Variants in CCNY observed in about 807,000 individuals in gnomAD.
CCNY encodes cyclin Y.
A neutral mutation model predicts 42.8 loss-of-function variants in CCNY; 19 were observed. The ratio of observed to expected loss-of-function variants is 0.44; its 90% CI spans 0.31 to 0.65. The LOEUF is 0.65. Ranked by LOEUF, CCNY falls within the 30% of genes least tolerant of loss-of-function variation. The pLI is 0.07. For missense variants in CCNY, 370 were observed against 437.3 expected, an observed-to-expected ratio of 0.85 and a Z score of 1.37; for synonymous variants, 165 against 162.7, an observed-to-expected ratio of 1.01 and a Z score of -0.11.
chr10:35,285,504 A>C (rs138979265), intron 3 of CCNY, among the ~76,000 whole-genome samples: 69 of 152,282 alleles, frequency 4.5e-4, no homozygotes, highest in African/African-American at 1.5e-3. Flanking sequence ...AGCTCACTGC[A>C]GCCTTGACTT....
chr10:35,564,295 G>A (rs982814601), intron 8 of CCNY, among the ~76,000 whole-genome samples: 2 of 152,144 alleles, frequency 1.3e-5, no homozygotes, highest in Non-Finnish European at 2.9e-5. Flanking sequence ...TGAAGAGACC[G>A]GAATGGGCCT....
chr10:35,299,107 G>A (rs182199742), intron 3 of CCNY, among the ~76,000 whole-genome samples: 1 of 152,300 alleles, frequency 6.6e-6, no homozygotes, highest in Non-Finnish European at 1.5e-5. Flanking sequence ...TTCAGTTACT[G>A]ATTTCTAATT....
intron 1 of CCNY, among the ~76,000 whole-genome samples, chr10:35,476,342 G>C (rs1362307469): frequency 6.6e-6 from 1 of 151,874 alleles, no homozygotes; most frequent in Non-Finnish European, 1.5e-5. Flanking sequence ...TTTTTTTTCA[G>C]CACCACACCA....
chr10:35,510,735 T>C (rs191296695), intron 3 of CCNY, among the ~76,000 whole-genome samples: 3 of 152,294 alleles, frequency 2.0e-5, no homozygotes, highest in Admixed American at 6.5e-5. Context: ...GATGAAGACA[T>C]TGAAGCTTGG....
chr10:35,395,778 G>A (rs1353600698), intron 1 of CCNY, among the ~76,000 whole-genome samples: 1 of 152,180 alleles, frequency 6.6e-6, no homozygotes, highest in Non-Finnish European at 1.5e-5. Context: ...TAGGTCCTGT[G>A]CACTGTCTTT....
chr10:35,419,416 A>G (rs1838105680), intron 1 of CCNY, among the ~76,000 whole-genome samples: 1 of 152,138 alleles, frequency 6.6e-6, no homozygotes, highest in Non-Finnish European at 1.5e-5. Context: ...CGAGGTAGAA[A>G]GAGAAAGGTG....
At chr10:35,418,851 T>C (rs1239108645) in intron 1 of CCNY, among the ~76,000 whole-genome samples, 1 of 151,908 alleles carries the variant, frequency 6.6e-6, no homozygotes, top group Non-Finnish European at 1.5e-5. Flanking sequence ...TTTTTTTTAA[T>C]CTCTCTGTCA....
At chr10:35,551,723 A>G (rs1317855453) in intron 7 of CCNY, among the ~76,000 whole-genome samples, 6 of 152,222 alleles carry the variant, frequency 3.9e-5, no homozygotes, top group African/African-American at 1.2e-4. Flanking sequence ...TCTGTCTTCA[A>G]CCTAAACTCT....
chr10:35,470,114 G>A (rs1444731086), intron 1 of CCNY, among the ~76,000 whole-genome samples: 1 of 151,270 alleles, frequency 6.6e-6, no homozygotes, highest in Non-Finnish European at 1.5e-5. Flanking sequence ...GGGAGATGGA[G>A]AGAGAAAGAT....
At chr10:35,528,796 T>C (rs1342820837) in intron 5 of CCNY, among the ~76,000 whole-genome samples, 2 of 152,214 alleles carry the variant, frequency 1.3e-5, no homozygotes, top group East Asian at 3.8e-4. Context: ...AAGCTCTTTC[T>C]CTTTTATTTT....
intron 1 of CCNY, among the ~76,000 whole-genome samples, chr10:35,457,818 G>A (rs995687198): frequency 6.6e-5 from 10 of 152,106 alleles, no homozygotes; most frequent in Non-Finnish European, 1.3e-4. Context: ...CTGACCTCGT[G>A]ATCCACCCGC....
upstream of CCNY, among the ~76,000 whole-genome samples, chr10:35,334,472 G>A (rs776952602): frequency 2.6e-5 from 4 of 152,126 alleles, no homozygotes; most frequent in Non-Finnish European, 5.9e-5. Context: ...CAGACAATCT[G>A]AATACACACA....
chr10:35,552,964 C>T, intron 7 of CCNY, 55 bp from the exon 8 acceptor site: 1 of 1,530,004 alleles, frequency 6.5e-7, no homozygotes, highest in Non-Finnish European at 9.0e-7. Flanking sequence ...TTGAGGTGTG[C>T]TGGTGTTTAG....
At chr10:35,433,890 G>A (rs531163909) in intron 1 of CCNY, among the ~76,000 whole-genome samples, 21 of 152,312 alleles carry the variant, frequency 1.4e-4, no homozygotes, top group South Asian at 6.2e-4. Flanking sequence ...GATTACAGGC[G>A]TGAGCCACTG....
At chr10:35,521,662 C>T (rs1311319559) in intron 4 of CCNY, among the ~76,000 whole-genome samples, 2 of 152,128 alleles carry the variant, frequency 1.3e-5, no homozygotes, top group Non-Finnish European at 2.9e-5. Context: ...GCCTTGGGGT[C>T]CTTCACCATA....
At chr10:35,260,763 C>G (rs981323151) in intron 3 of CCNY, among the ~76,000 whole-genome samples, 4 of 152,200 alleles carry the variant, frequency 2.6e-5, no homozygotes, top group Non-Finnish European at 5.9e-5. Context: ...CCTTGAGTTA[C>G]ATTAGAAGCT....
At chr10:35,376,149 A>G (rs1241440018) in intron 1 of CCNY, among the ~76,000 whole-genome samples, 1 of 152,210 alleles carries the variant, frequency 6.6e-6, no homozygotes, top group African/African-American at 2.4e-5. Flanking sequence ...CACAGCAGTT[A>G]TTAAACTTTT....
chr10:35,362,271 AAG>A lies in CCNY; in HGVS notation c.154+25067_154+25068del, dbSNP rs1364595083. On this transcript the variant is annotated intron_variant, in intron 1 of 9. Coordinates refer to ENST00000374704, the MANE Select transcript of CCNY (RefSeq NM_145012.6). ...AAGTAGGTGCTAAAATCAAATAAAA[AAG>A]AGTGTGCAATAAGATGTGCAAGGTG... 3.9e-5 allele frequency among the ~76,000 whole-genome samples: 6 copies of A among 152,252 alleles called. No homozygotes were observed. The East Asian group carries it at 7.7e-4, about 20-fold the overall frequency.
chr10:35,339,533 AC>A (rs1836128266), intron 1 of CCNY, among the ~76,000 whole-genome samples: 1 of 152,180 alleles, frequency 6.6e-6, no homozygotes, highest in African/African-American at 2.4e-5. Flanking sequence ...ACATTTTAAA[AC>A]TACATTTTAA....
Sources: allele counts gnomAD v4.1 joint callset (sites outside exome capture counted in the v4.1 genomes callset), GRCh38; gene constraint gnomAD v4.1.1; transcripts MANE v1.5; gene names NCBI Gene and HGNC (gene_info 2026-07-23, HGNC 2026-07-21).